WWOX: variants seen among roughly 807,000 people sequenced by gnomAD.
WWOX encodes WW domain containing oxidoreductase.
In WWOX, 69 loss-of-function variants were observed where a neutral mutation model predicts 46.2. The observed-to-expected ratio is 1.49, with a 90% confidence interval of 1.23 to 1.82. The LOEUF is 1.82. WWOX is among the 40% of genes most tolerant of loss of function. The pLI, the probability that WWOX is intolerant of heterozygous loss-of-function variation, is 0.00. For synonymous variants in WWOX, 359 were observed against 202.6 expected, an observed-to-expected ratio of 1.77 and a Z score of -6.56; for missense variants, 919 against 542.6, an observed-to-expected ratio of 1.69 and a Z score of -6.89.
chr16:79,122,960 T>C (rs2049670714), intron 8 of WWOX, among the ~76,000 whole-genome samples: 1 of 152,180 alleles, frequency 6.6e-6, no homozygotes, highest in African/African-American at 2.4e-5. Flanking sequence ...ATCCACATGG[T>C]CATTGCCTCA....
chr16:78,901,873 G>A (rs1300766393), intron 8 of WWOX, among the ~76,000 whole-genome samples: 2 of 152,316 alleles, frequency 1.3e-5, no homozygotes, highest in Admixed American at 6.5e-5. Context: ...ATTCACACGG[G>A]CCTCTCCTAC....
At position 78,461,359 on chromosome 16, in the gene WWOX, G is replaced by T. The variant is rs185030733; in HGVS notation, c.1056+28607G>T. 2.0e-3 allele frequency among the ~76,000 whole-genome samples: 299 copies of T among 152,020 alleles called. 2 individuals are homozygous for T. The highest frequency in any genetic ancestry group is 7.1e-3 in the African/African-American group (292 of 41,400). On this transcript the variant is annotated intron_variant, in intron 8 of 8. Coordinates refer to ENST00000566780, the MANE Select transcript of WWOX (RefSeq NM_016373.4). ...CTCATCGGTAAGGCCAGAAAGGAAA[G>T]GGAGAAAAAACAAACAAACAAACAA... is the stretch of plus-strand genomic sequence containing the variant.
intron 8 of WWOX, among the ~76,000 whole-genome samples, chr16:79,132,773 A>G (rs2049907045): frequency 6.6e-6 from 1 of 152,210 alleles, no homozygotes; most frequent in Non-Finnish European, 1.5e-5. Flanking sequence ...TTCAGTTTTG[A>G]ATATGCTTGT....
At chr16:78,505,311 C>T (rs372423344) in intron 8 of WWOX, among the ~76,000 whole-genome samples, 6 of 152,256 alleles carry the variant, frequency 3.9e-5, no homozygotes, top group East Asian at 1.9e-4. Context: ...GCCAAGACTC[C>T]GAGGCAGCTT....
chr16:79,070,820 T>A (rs531321373), intron 8 of WWOX, among the ~76,000 whole-genome samples: 1 of 152,338 alleles, frequency 6.6e-6, no homozygotes, highest in East Asian at 1.9e-4. Flanking sequence ...CTCTTTAGAT[T>A]AGTGATTCTA....
At chr16:79,012,722 C>T (rs987874221) in intron 8 of WWOX, among the ~76,000 whole-genome samples, 6 of 152,192 alleles carry the variant, frequency 3.9e-5, no homozygotes, top group Non-Finnish European at 7.3e-5. Flanking sequence ...CAAAGCAGGA[C>T]GTATACGTGC....
chr16:78,937,016 A>G (rs1486538882), intron 8 of WWOX, among the ~76,000 whole-genome samples: 1 of 152,226 alleles, frequency 6.6e-6, no homozygotes, highest in Non-Finnish European at 1.5e-5. Context: ...ACTGTTTGGT[A>G]CAATATGTAC....
intron 8 of WWOX, among the ~76,000 whole-genome samples, chr16:78,500,283 TTCCTAAGTC>T (rs1329994829): frequency 6.6e-6 from 1 of 152,158 alleles, no homozygotes; most frequent in Non-Finnish European, 1.5e-5. Context: ...TTTGCTGTGG[TTCCTAAGTC>T]TCCATTCCGC....
intron 4 of WWOX, among the ~76,000 whole-genome samples, chr16:78,146,693 G>A (rs1387308594): frequency 6.6e-6 from 1 of 152,106 alleles, no homozygotes; most frequent in Non-Finnish European, 1.5e-5. Context: ...AGCTCAGATG[G>A]CTTCTCAGAT....
intron 8 of WWOX, among the ~76,000 whole-genome samples, chr16:78,467,212 A>C (rs554249245): frequency 6.6e-6 from 1 of 152,292 alleles, no homozygotes; most frequent in South Asian, 2.1e-4. Flanking sequence ...TAAATTTAAA[A>C]ATTTTCCCCT....
chr16:79,068,148 C>G (rs780452590), intron 8 of WWOX, among the ~76,000 whole-genome samples: 4 of 152,186 alleles, frequency 2.6e-5, no homozygotes. Context: ...TTAGTGGAAT[C>G]TGGTAAGAGT....
chr16:78,970,176 C>T (rs953596720), intron 8 of WWOX, among the ~76,000 whole-genome samples: 1 of 152,178 alleles, frequency 6.6e-6, no homozygotes, highest in Non-Finnish European at 1.5e-5. Flanking sequence ...CCCCACACAT[C>T]CTCCTGCTGT....
At chr16:78,387,600 C>A (rs920569400) in intron 6 of WWOX, among the ~76,000 whole-genome samples, 5 of 151,944 alleles carry the variant, frequency 3.3e-5, no homozygotes, top group African/African-American at 1.2e-4. Context: ...GGTGGGGAGA[C>A]AGAGAGACAG....
intron 8 of WWOX, among the ~76,000 whole-genome samples, chr16:78,449,760 C>G (rs987226129): frequency 3.9e-5 from 6 of 152,130 alleles, no homozygotes; most frequent in Non-Finnish European, 8.8e-5. Flanking sequence ...GATAATGTAT[C>G]CTAAAGTCAA....
In WWOX at chr16:78,680,330, G is replaced by C. The variant is rs550058652; in HGVS notation, c.1056+247578G>C. On this transcript the variant is annotated intron_variant, in intron 8 of 8. Coordinates refer to ENST00000566780, the MANE Select transcript of WWOX (RefSeq NM_016373.4). ...AGGCTGAGGTGGGAGGATTGCGTGA[G>C]CCCAGGAGTTCAAGACCAGCCTGAA... Among the ~76,000 whole-genome samples the C allele has an allele frequency of 3.3e-5, 5 of 152,274 alleles. No individual in the cohort carries two copies. The South Asian group carries it at 1.0e-3, about 32-fold the overall frequency.
intron 4 of WWOX, among the ~76,000 whole-genome samples, chr16:78,129,576 G>A (rs945318944): frequency 3.3e-5 from 5 of 152,130 alleles, no homozygotes; most frequent in African/African-American, 9.7e-5. Flanking sequence ...ATTTCCATAA[G>A]CTCAAGGGTA....
intron 8 of WWOX, among the ~76,000 whole-genome samples, chr16:78,871,163 C>T (rs186186297): frequency 0.024 from 3,538 of 146,446 alleles, 51 homozygotes; most frequent in Non-Finnish European, 0.034. Flanking sequence ...TCCCAACTTT[C>T]GTGAAGGTTG....
intron 8 of WWOX, among the ~76,000 whole-genome samples, chr16:78,612,868 A>G (rs899650379): frequency 6.6e-6 from 1 of 152,244 alleles, no homozygotes; most frequent in Admixed American, 6.5e-5. Context: ...TAAGGCATTC[A>G]GCATAGTCCC....
intron 8 of WWOX, among the ~76,000 whole-genome samples, chr16:79,122,907 T>C (rs2049669199): frequency 6.6e-6 from 1 of 152,166 alleles, no homozygotes; most frequent in African/African-American, 2.4e-5. Context: ...CCTCAACTTT[T>C]AGGTCTCTGA....
Sources: allele counts gnomAD v4.1 joint callset (sites outside exome capture counted in the v4.1 genomes callset), GRCh38; gene constraint gnomAD v4.1.1; transcripts MANE v1.5; gene names NCBI Gene and HGNC (gene_info 2026-07-23, HGNC 2026-07-21).